The following PLD1 variants were observed in gnomAD, a reference collection of about 807,000 sequenced individuals.
PLD1 encodes choline phosphatase 1.
PLD1 carries 112 observed loss-of-function variants against 137.1 expected under a neutral mutation model. The ratio of observed to expected loss-of-function variants is 0.82; its 90% CI spans 0.70 to 0.96. The LOEUF (loss-of-function observed/expected upper bound fraction) is 0.96, where lower values mean the gene tolerates loss of function less well. PLD1 is among the 40% of genes least tolerant of loss of function. The probability of loss-of-function intolerance (pLI) is 0.00; values close to 1 mark genes in which losing one functional copy is unlikely to be tolerated. For synonymous variants in PLD1, 431 were observed against 454.7 expected, an observed-to-expected ratio of 0.95 and a Z score of 0.66; for missense variants, 1,321 against 1,342.0, an observed-to-expected ratio of 0.98 and a Z score of 0.24.
Position 171,603,083 on chromosome 3 carries a change from T to C in PLD1, c.3220A>G (p.Thr1074Ala), listed in dbSNP as rs771811290. 3.7e-6 allele frequency: 6 copies of C among 1,610,764 alleles called. No individual in the cohort carries two copies. Among genetic ancestry groups the C allele is most frequent in the Non-Finnish European group, 5.1e-6 (6 of 1,177,504 alleles). ...KEAIVPMEVWT is the reference protein window; with the variant it reads ...KEAIVPMEVWA ...GAGCTGCCAATGAATATCTCTTAAG[T>C]CCAAACCTCCATGGGCACTATGGCC... Residue 1074 changes from threonine (T) to alanine (A), a missense_variant, in exon 27 of 27, where the codon ACT becomes GCT. Thr to Ala is a moderately conservative substitution (Grantham distance 58, BLOSUM62 0). Transcript: ENST00000351298.
intron 1 of PLD1, among the ~76,000 whole-genome samples, chr3:171,783,709 C>T (rs1722884244): frequency 6.6e-6 from 1 of 152,126 alleles, no homozygotes. Context: ...GTAGTACAAT[C>T]ACGGTTCACT....
rs1731892272 is a variant in PLD1 at position 171,602,436 on chromosome 3, A to G, written c.*642T>C. 6.6e-6 allele frequency: 1 copy of G among 152,620 alleles called. No individual in the cohort carries two copies. Among genetic ancestry groups the G allele is most frequent in the African/African-American group, 2.4e-5 (1 of 41,464 alleles). The allele number at this position is 152,620 out of a possible 1,614,324, so 9.5% of individuals were successfully genotyped here. ...TCCTGTTGCTTAGTGGTGTCAAGATACAGTGTCAATGTTACCAGAAGTGCC... is the reference window on the plus strand; with the variant it reads ...TCCTGTTGCTTAGTGGTGTCAAGATGCAGTGTCAATGTTACCAGAAGTGCC... On this transcript the variant is annotated 3_prime_UTR_variant, in exon 27 of 27. Transcript: ENST00000351298.
At chr3:171,607,004 G>A (rs1384675221) in intron 25 of PLD1, among the ~76,000 whole-genome samples, 2 of 152,102 alleles carry the variant, frequency 1.3e-5, no homozygotes, top group Non-Finnish European at 2.9e-5. Context: ...ATCAACTCAC[G>A]AAAAAGTTCA....
chr3:171,793,035 A>C, intron 1 of PLD1: 1 of 253,542 alleles, frequency 3.9e-6, no homozygotes, highest in South Asian at 4.3e-5. Context: ...GTGGGAACAC[A>C]AACCAGTGAA....
intron 19 of PLD1, among the ~76,000 whole-genome samples, chr3:171,672,538 A>C (rs147319158): frequency 6.6e-6 from 1 of 150,670 alleles, no homozygotes; most frequent in Admixed American, 6.6e-5. Flanking sequence ...CCCAGGCTGG[A>C]ATGCAGGGGT....
chr3:171,710,189 T>C (rs1235091588), intron 9 of PLD1, among the ~76,000 whole-genome samples: 1 of 151,990 alleles, frequency 6.6e-6, no homozygotes, highest in African/African-American at 2.4e-5. Context: ...CAGCCTCGAG[T>C]AGCTGGGACT....
chr3:171,620,186 C>T (rs142862454), intron 24 of PLD1, among the ~76,000 whole-genome samples, 200 bp downstream of exon 24: 195 of 152,234 alleles, frequency 1.3e-3, no homozygotes, highest in African/African-American at 4.5e-3. Context: ...AATATATACA[C>T]CTATTCTGTA....
intron 25 of PLD1, among the ~76,000 whole-genome samples, chr3:171,611,116 A>G (rs549858506): frequency 1.1e-4 from 17 of 152,352 alleles, no homozygotes; most frequent in African/African-American, 4.1e-4. Flanking sequence ...CCGAAAGGGC[A>G]TAACGCACTG....
At chr3:171,638,449 C>A (rs1265592837) in intron 23 of PLD1, among the ~76,000 whole-genome samples, 5 of 152,172 alleles carry the variant, frequency 3.3e-5, no homozygotes, top group Non-Finnish European at 5.9e-5. Flanking sequence ...ACGGGACCAC[C>A]ATCATGCTGC....
chr3:171,642,793 C>G (rs754813523), intron 23 of PLD1, 47 bp downstream of exon 23: 4 of 1,029,814 alleles, frequency 3.9e-6, no homozygotes, highest in African/African-American at 1.6e-5. Context: ...TGATACCTCA[C>G]CTTCATAATA....
chr3:171,613,634 A>T (rs1338724886), intron 24 of PLD1, among the ~76,000 whole-genome samples: 1 of 151,648 alleles, frequency 6.6e-6, no homozygotes, highest in African/African-American at 2.4e-5. Flanking sequence ...CCTCCATTCT[A>T]TTTTTTAAAA....
rs747140337 is a variant in PLD1, at chr3:171,726,010, C to T, written c.665+8G>A. ...CATACTTCTCTTTTAAGGTTTATTG[C>T]AACTTACATGCCCTTTGGTCCCAAA... On this transcript the variant is annotated splice_region_variant and intron_variant, in intron 7 of 26. Transcript: ENST00000351298. 10 of 1,588,026 alleles carry T rather than the reference C, an allele frequency of 6.3e-6. No individual in the cohort carries two copies. Among genetic ancestry groups the T allele is most frequent in the Non-Finnish European group, 2.6e-6 (3 of 1,156,452 alleles).
chr3:171,629,318 C>A (rs1734443129), intron 23 of PLD1, among the ~76,000 whole-genome samples: 2 of 151,540 alleles, frequency 1.3e-5, no homozygotes, highest in Non-Finnish European at 3.0e-5. Flanking sequence ...ACGTGAAGGA[C>A]CTCTTCAAGG....
At chr3:171,665,721 C>T (rs965383491) in intron 19 of PLD1, among the ~76,000 whole-genome samples, 1 of 151,466 alleles carries the variant, frequency 6.6e-6, no homozygotes, top group Admixed American at 6.6e-5. Flanking sequence ...AAAAAAAGAC[C>T]ATTTTATATA....
intron 1 of PLD1, among the ~76,000 whole-genome samples, chr3:171,808,628 T>G: frequency 1.9e-5 from 1 of 51,310 alleles, no homozygotes; most frequent in Non-Finnish European, 4.6e-5. Flanking sequence ...AAATAAAATT[T>G]GTAATTTTAA....
At chr3:171,716,321 T>A (rs745672134) in intron 8 of PLD1, among the ~76,000 whole-genome samples, 22 of 152,230 alleles carry the variant, frequency 1.4e-4, no homozygotes, top group Non-Finnish European at 3.1e-4. Context: ...CACACTGCTT[T>A]CCACAATGGC....
chr3:171,655,620 G>A (rs960860294), intron 21 of PLD1, among the ~76,000 whole-genome samples: 1 of 152,140 alleles, frequency 6.6e-6, no homozygotes, highest in Admixed American at 6.5e-5. Flanking sequence ...TTACAGGTGT[G>A]AGCCACCACA....
intron 21 of PLD1, among the ~76,000 whole-genome samples, chr3:171,658,678 T>C (rs1166827516): frequency 1.3e-5 from 2 of 152,182 alleles, no homozygotes; most frequent in Non-Finnish European, 2.9e-5. Context: ...CTAATGGGGT[T>C]TCTTTCTGAG....
chr3:171,777,875 C>T (rs761335969), intron 1 of PLD1, among the ~76,000 whole-genome samples: 8 of 152,308 alleles, frequency 5.3e-5, no homozygotes, highest in South Asian at 2.1e-4. Context: ...TTATGCCTTG[C>T]GACTTTCTAT....
Sources: allele counts gnomAD v4.1 joint callset (sites outside exome capture counted in the v4.1 genomes callset), GRCh38; gene constraint gnomAD v4.1.1; transcripts MANE v1.5; gene names NCBI Gene and HGNC (gene_info 2026-07-23, HGNC 2026-07-21).